BEST3: variants seen among roughly 807,000 people sequenced by gnomAD.
The protein encoded by BEST3 is bestrophin 3.
BEST3 carries 50 observed loss-of-function variants against 47.1 expected under a neutral mutation model. The observed-to-expected ratio is 1.06, with a 90% CI of 0.85 to 1.34. The LOEUF is 1.34. Among genes scored for constraint, BEST3 ranks in the 40% most tolerant of loss-of-function variants. The pLI, the probability that BEST3 is intolerant of heterozygous loss-of-function variation, is 0.00. For missense variants in BEST3, 765 were observed against 817.0 expected, an observed-to-expected ratio of 0.94 and a Z score of 0.78; for synonymous variants, 282 against 298.8, an observed-to-expected ratio of 0.94 and a Z score of 0.58.
intron 9 of BEST3, among the ~76,000 whole-genome samples, chr12:69,667,594 C>T (rs1238918457): frequency 6.6e-6 from 1 of 152,194 alleles, no homozygotes. Flanking sequence ...CCATGCCCGC[C>T]TCCTAACTCA....
rs749600571 is a variant in BEST3 at position 69,655,641 on chromosome 12, G to T, written c.1273C>A (p.Pro425Thr). ...RQTSDSSMFL[P>T]RDDLSPARDL... ...CTGGCTGGGCTGAGGTCATCTCGGG[G>T]TAAGAACATGGAGCTGTCACTTGTC... Residue 425 changes from proline (P) to threonine (T), a missense_variant, in exon 10 of 10, where the codon CCC becomes ACC. Coordinates refer to ENST00000330891, the MANE Select transcript of BEST3 (RefSeq NM_032735.3). The T allele has an allele frequency of 3.7e-6, 6 of 1,613,960 alleles. No individual in the cohort carries two copies. Among genetic ancestry groups the T allele is most frequent in the South Asian group, 1.1e-5 (1 of 91,074 alleles).
intron 9 of BEST3, among the ~76,000 whole-genome samples, chr12:69,664,435 G>C (rs549614718): frequency 6.6e-6 from 1 of 151,924 alleles, no homozygotes; most frequent in African/African-American, 2.4e-5. Context: ...ACCTCCCCCC[G>C]CCACCCGGGG....
intron 2 of BEST3, among the ~76,000 whole-genome samples, 175 bp from the exon 3 acceptor site, chr12:69,694,639 G>A (rs1886067643): frequency 6.6e-6 from 1 of 152,006 alleles, no homozygotes; most frequent in Non-Finnish European, 1.5e-5. Flanking sequence ...ATTGCTTAAT[G>A]TCTCAAGTGC....
downstream of BEST3, among the ~76,000 whole-genome samples, chr12:69,652,556 A>G (rs1239217807): frequency 6.6e-6 from 1 of 152,184 alleles, no homozygotes; most frequent in Non-Finnish European, 1.5e-5. Context: ...AGAAAATGAG[A>G]GTCTATCTCA....
At chr12:69,666,103 T>C (rs1474308677) in intron 9 of BEST3, among the ~76,000 whole-genome samples, 2 of 152,190 alleles carry the variant, frequency 1.3e-5, no homozygotes, top group Non-Finnish European at 2.9e-5. Context: ...AACTGCAACC[T>C]TCCCCTCCTG....
chr12:69,678,993 AT>A (rs2135988732), intron 4 of BEST3, 100 bp from the exon 5 acceptor site: 1 of 974,056 alleles, frequency 1.0e-6, no homozygotes, highest in East Asian at 2.6e-5. Context: ...ATGAGGGGAT[AT>A]TAAAGAAATA....
rs1883350103 is a variant in BEST3 at position 69,654,772 on chromosome 12, G to T, written c.*135C>A. ...AGTCAGGATCATAATGCCCTTCAAA[G>T]TTCTAAGTAGCTTATACAGTGTGAT... On this transcript the variant is annotated 3_prime_UTR_variant, in exon 10 of 10. Transcript: ENST00000330891. The T allele has an allele frequency of 1.9e-5, 26 of 1,402,946 alleles. No individual in the cohort carries two copies. The highest frequency in any genetic ancestry group is 2.0e-5 in the Non-Finnish European group (22 of 1,075,910). 86.9% of individuals were successfully genotyped at this position (1,402,946 alleles called of 1,614,324 possible). A position where few individuals can be genotyped will look rare whatever the true frequency, so the allele number is the denominator to read the frequency against.
intron 9 of BEST3, among the ~76,000 whole-genome samples, chr12:69,656,928 A>G (rs1883539056): frequency 6.6e-6 from 1 of 152,150 alleles, no homozygotes; most frequent in Admixed American, 6.5e-5. Flanking sequence ...ATTAGGGTTA[A>G]AAAAAGAGAA....
chr12:69,697,002 T>C (rs1886155504), intron 2 of BEST3, among the ~76,000 whole-genome samples: 1 of 152,202 alleles, frequency 6.6e-6, no homozygotes, highest in Non-Finnish European at 1.5e-5. Context: ...TTGATATTGC[T>C]CAAATTTCCT....
chr12:69,662,095 T>C (rs1330098533), intron 9 of BEST3, among the ~76,000 whole-genome samples: 4 of 152,206 alleles, frequency 2.6e-5, no homozygotes, highest in Non-Finnish European at 4.4e-5. Flanking sequence ...AGATGAAAAC[T>C]GATTGCCCAT....
In BEST3 at chr12:69,655,402, C is replaced by T. The variant is rs1883407406; in HGVS notation, c.1512G>A (p.Leu504=). 1 of 1,614,130 alleles carries T rather than the reference C, an allele frequency of 6.2e-7. No individual in the cohort carries two copies. The highest frequency in any genetic ancestry group is 8.5e-7 in the Non-Finnish European group (1 of 1,180,018). ...GCACTGGTGCTTCGGCTGCTGTGAT[C>T]AATACCTCAGGTACCAGTGGCATTT... ...PIKMPLVPEV[L]ITAAEAPVPT... is the part of the protein sequence containing the mutation. Residue 504 remains leucine (L), a synonymous_variant, in exon 10 of 10, where the codon TTG becomes TTA. Coordinates refer to ENST00000330891, the MANE Select transcript of BEST3 (RefSeq NM_032735.3).
At chr12:69,695,353 T>C (rs1008518114) in intron 2 of BEST3, among the ~76,000 whole-genome samples, 8 of 152,118 alleles carry the variant, frequency 5.3e-5, no homozygotes, top group Non-Finnish European at 1.0e-4. Context: ...AGAACTTTGA[T>C]AAAGGAAGCA....
intron 9 of BEST3, among the ~76,000 whole-genome samples, chr12:69,665,978 T>C (rs1016473933): frequency 2.6e-5 from 4 of 152,098 alleles, no homozygotes; most frequent in Non-Finnish European, 5.9e-5. Flanking sequence ...GATGGGTACA[T>C]GGAGCTTTTT....
In BEST3 at chr12:69,686,185, G is replaced by GAAAAAAAA. The variant is rs372482477; in HGVS notation, c.482-7300_482-7293dup. 2.5e-5 allele frequency among the ~76,000 whole-genome samples: 3 copies of GAAAAAAAA among 117,796 alleles called. 1 individual carries two copies. The highest frequency in any genetic ancestry group is 3.1e-5 in the African/African-American group (1 of 32,062). 77.3% of individuals were successfully genotyped at this position (117,796 alleles called of 152,430 possible). On this transcript the variant is annotated intron_variant, in intron 4 of 9. Coordinates refer to ENST00000330891, the MANE Select transcript of BEST3 (RefSeq NM_032735.3). ...ACCCCAGAGCTGTGTAATGGATCAG[G>GAAAAAAAA]AAAAAAAAAAAAACAAACAGCCCAC...
Position 69,697,777 on chromosome 12 carries a change from T to G in BEST3, c.22A>C (p.Lys8Gln). The change falls in exon 2 of 10, where the codon AAA becomes CAA. Residue 8 changes from lysine (K) to glutamine (Q), a missense_variant. By Grantham distance (53) the Lys-to-Gln change is moderately conservative. Transcript: ENST00000330891. ...CCAAAAAAAGTTGCATTTGCTACTT[T>G]ACTGGAGTAAGTGACAGTCATCTTG... MTVTYSS[K>Q]VANATFFGFH... The G allele has an allele frequency of 6.2e-7, 1 of 1,610,292 alleles. No homozygotes were observed.
At chr12:69,697,612 G>C (rs1886180034) in intron 2 of BEST3, 35 bp downstream of exon 2, 1 of 1,488,964 alleles carries the variant, frequency 6.7e-7, no homozygotes, top group Admixed American at 2.2e-5. Context: ...CACAATATCT[G>C]ATGGCCATTT....
intron 9 of BEST3, among the ~76,000 whole-genome samples, chr12:69,659,693 G>C (rs1319467689): frequency 1.5e-5 from 2 of 134,792 alleles, no homozygotes; most frequent in Non-Finnish European, 3.1e-5. Context: ...TGGGAGGCTG[G>C]AGTATAAATT....
rs560298067 is a variant in BEST3, at chr12:69,671,520, A to G, written c.1008T>C (p.Ile336=). ...HMSLPKMKKD[I]YWDDSAARPP... ...GGCGAGCAGCAGAATCGTCCCAGTA[A>G]ATGTCCTTCTTCATCTTGGGTAAGC... Residue 336 remains isoleucine (I), a synonymous_variant, in exon 9 of 10, where the codon ATT becomes ATC. Transcript: ENST00000330891. 5.0e-6 allele frequency: 8 copies of G among 1,613,938 alleles called. No individual in the cohort carries two copies. Among genetic ancestry groups the G allele is most frequent in the Non-Finnish European group, 4.2e-6 (5 of 1,179,848 alleles).
At chr12:69,669,196 G>C (rs1476735216) in intron 9 of BEST3, among the ~76,000 whole-genome samples, 2 of 152,134 alleles carry the variant, frequency 1.3e-5, no homozygotes, top group East Asian at 3.9e-4. Flanking sequence ...AAATCCAAAG[G>C]GGGCCATTTC....
Sources: allele counts gnomAD v4.1 joint callset (sites outside exome capture counted in the v4.1 genomes callset), GRCh38; gene constraint gnomAD v4.1.1; transcripts MANE v1.5; gene names NCBI Gene and HGNC (gene_info 2026-07-23, HGNC 2026-07-21).